Variants in PARVA observed in about 807,000 individuals in gnomAD.
The protein encoded by PARVA is alpha-parvin.
In PARVA, 25 loss-of-function variants were observed where a neutral mutation model predicts 52.6. That is an observed-to-expected ratio of 0.48 (90% CI 0.35 to 0.66). PARVA has a LOEUF of 0.66. PARVA is among the 30% of genes least tolerant of loss of function. The probability of loss-of-function intolerance (pLI) is 0.01; values close to 1 mark genes in which losing one functional copy is unlikely to be tolerated. For missense variants in PARVA, 373 were observed against 450.9 expected (o/e 0.83, Z 1.56); for synonymous variants, 185 against 179.1 (o/e 1.03, Z -0.26).
At chr11:12,526,806 T>C (rs1046788071) in intron 12 of PARVA, among the ~76,000 whole-genome samples, 1 of 151,916 alleles carries the variant, frequency 6.6e-6, no homozygotes, top group South Asian at 2.1e-4. Flanking sequence ...TCTTCAAAGG[T>C]TGGCTTTCTA....
chr11:12,377,653 C>T lies in PARVA; in HGVS notation c.6C>T (p.Ala2=), dbSNP rs1939414504. Reference sequence around the variant, plus strand: ...GCGGCAGCCTGCGCCGCGCCATGGCCACCTCCCCGCAGAAGTCGCCTTCTG... The same window carrying T: ...GCGGCAGCCTGCGCCGCGCCATGGCTACCTCCCCGCAGAAGTCGCCTTCTG... The part of the protein sequence containing the change: M[A]TSPQKSPSVP... The change falls in exon 1 of 13, where the codon GCC becomes GCT. Residue 2 remains alanine (A), a synonymous_variant. Transcript: ENST00000334956. 2.5e-6 allele frequency: 4 copies of T among 1,569,222 alleles called. No homozygotes were observed. Among genetic ancestry groups the T allele is most frequent in the Non-Finnish European group, 3.4e-6 (4 of 1,162,884 alleles).
At chr11:12,465,883 G>A (rs1480716133) in intron 1 of PARVA, among the ~76,000 whole-genome samples, 3 of 152,336 alleles carry the variant, frequency 2.0e-5, no homozygotes, top group African/African-American at 4.8e-5. Context: ...CTAGGAGCTT[G>A]ACTGCTGGAT....
chr11:12,455,035 G>T (rs560067773), intron 1 of PARVA, among the ~76,000 whole-genome samples: 10 of 152,292 alleles, frequency 6.6e-5, no homozygotes, highest in African/African-American at 2.4e-4. Flanking sequence ...ATTTATTAAA[G>T]AAACCTGTAG....
At chr11:12,453,832 TC>T (rs1427694023) in intron 1 of PARVA, among the ~76,000 whole-genome samples, 1 of 152,152 alleles carries the variant, frequency 6.6e-6, no homozygotes, top group African/African-American at 2.4e-5. Context: ...AAAGGGTGGC[TC>T]TAAGCAACCT....
Position 12,433,343 on chromosome 11 carries a change from A to G in PARVA, c.137-40402A>G, listed in dbSNP as rs74681653. On this transcript the variant is annotated intron_variant, in intron 1 of 12. Transcript: ENST00000334956. Reference sequence around the variant, plus strand: ...GTGTAAGCCCAAATAAAAGCAAAGCATGGGCTTCACTGGTTCTTCACTGGT... The same window carrying G: ...GTGTAAGCCCAAATAAAAGCAAAGCGTGGGCTTCACTGGTTCTTCACTGGT... Among the ~76,000 whole-genome samples the G allele has an allele frequency of 6.9e-3, 1,049 of 152,322 alleles. 8 individuals carry two copies. Among genetic ancestry groups the G allele is most frequent in the Middle Eastern group, 0.017 (5 of 294 alleles).
chr11:12,467,518 T>G lies in PARVA; in HGVS notation c.137-6227T>G, dbSNP rs189872497. 1.2e-3 allele frequency among the ~76,000 whole-genome samples: 183 copies of G among 152,262 alleles called. 1 individual carries two copies. The highest frequency in any genetic ancestry group is 1.8e-3 in the Non-Finnish European group (122 of 68,010). ...ATGTTAGGCTGTAGGGTTTAATTTT[T>G]TTGTTGTTGTTGTTGTAGATGTTCT... On this transcript the variant is annotated intron_variant, in intron 1 of 12. Transcript: ENST00000334956.
rs1241543865 is a variant in PARVA, at chr11:12,532,314, C to T, written c.*4389C>T. The stretch of plus-strand genomic sequence containing the variant: ...GGAAACATGAGGTGAAGAAAGTTAG[C>T]TTACTGACGCTTTTTGTTTTCTAGT... On this transcript the variant is annotated 3_prime_UTR_variant, in exon 13 of 13. Transcript: ENST00000334956. Among the ~76,000 whole-genome samples the T allele has an allele frequency of 6.6e-6, 1 of 152,174 alleles. No homozygotes were observed. Among genetic ancestry groups the T allele is most frequent in the Non-Finnish European group, 1.5e-5 (1 of 68,020 alleles).
At chr11:12,433,759 T>C (rs763028822) in intron 1 of PARVA, among the ~76,000 whole-genome samples, 14 of 152,230 alleles carry the variant, frequency 9.2e-5, no homozygotes, top group Admixed American at 6.5e-4. Flanking sequence ...GGGTTTGGCA[T>C]CTTTCTTACC....
At chr11:12,403,547 A>G (rs956769349) in intron 1 of PARVA, among the ~76,000 whole-genome samples, 1 of 152,258 alleles carries the variant, frequency 6.6e-6, no homozygotes, top group African/African-American at 2.4e-5. Flanking sequence ...CTCAATGTTT[A>G]GTTATGAGGA....
chr11:12,469,779 G>T (rs1232189164), intron 1 of PARVA, among the ~76,000 whole-genome samples: 1 of 152,158 alleles, frequency 6.6e-6, no homozygotes, highest in Non-Finnish European at 1.5e-5. Flanking sequence ...TTTCTTCTTG[G>T]ATTTGTTATG....
chr11:12,421,456 A>G (rs1341452063), intron 1 of PARVA, among the ~76,000 whole-genome samples: 18 of 151,898 alleles, frequency 1.2e-4, no homozygotes, highest in Admixed American at 1.2e-3. Context: ...CCAGCAACAG[A>G]TTTTTTTTCT....
chr11:12,450,454 GC>G (rs1251855545), intron 1 of PARVA, among the ~76,000 whole-genome samples: 1 of 152,212 alleles, frequency 6.6e-6, no homozygotes, highest in Non-Finnish European at 1.5e-5. Context: ...CTCTGGGTCT[GC>G]CAATACTACA....
chr11:12,487,776 A>C (rs1302696025), intron 4 of PARVA, among the ~76,000 whole-genome samples: 1 of 152,242 alleles, frequency 6.6e-6, no homozygotes, highest in African/African-American at 2.4e-5. Context: ...AAAATGTCTT[A>C]CTACATAGAA....
At chr11:12,496,641 T>G (rs549634884) in intron 5 of PARVA, 43 bp downstream of exon 5, 1 of 1,585,678 alleles carries the variant, frequency 6.3e-7, no homozygotes, top group African/African-American at 1.3e-5. Flanking sequence ...ACAATGCCTG[T>G]GGTCCCTGCC....
At chr11:12,380,718 A>G (rs558088975) in intron 1 of PARVA, among the ~76,000 whole-genome samples, 2 of 141,086 alleles carry the variant, frequency 1.4e-5, no homozygotes, top group Non-Finnish European at 3.1e-5. Flanking sequence ...GTTGTAGTGC[A>G]AGCCAGCCAC....
intron 12 of PARVA, among the ~76,000 whole-genome samples, chr11:12,521,315 G>A (rs1435017073): frequency 6.6e-6 from 1 of 152,206 alleles, no homozygotes; most frequent in Non-Finnish European, 1.5e-5. Context: ...CATTCCCCTA[G>A]GAGATAGTGT....
In PARVA at chr11:12,519,243, C is replaced by T. The variant is rs141067622; in HGVS notation, c.1042+726C>T. ...GAATGCCATCTGTGGCCCTTTTGCT[C>T]GCACTTTTCTGGTAGTTTATAGGCA... On this transcript the variant is annotated intron_variant, in intron 12 of 12. Coordinates refer to ENST00000334956, the MANE Select transcript of PARVA (RefSeq NM_018222.5). 2.7e-3 allele frequency among the ~76,000 whole-genome samples: 414 copies of T among 152,272 alleles called. 2 individuals are homozygous for T. Among genetic ancestry groups the T allele is most frequent in the Middle Eastern group, 6.8e-3 (2 of 294 alleles).
chr11:12,394,775 C>T (rs61875438), intron 1 of PARVA, among the ~76,000 whole-genome samples: 12,777 of 152,214 alleles, frequency 0.084, 684 homozygotes, highest in African/African-American at 0.14. Flanking sequence ...CTGCAGTCAG[C>T]TCTACGGAAT....
chr11:12,384,147 A>G (rs1036917396), intron 1 of PARVA, among the ~76,000 whole-genome samples: 13 of 151,984 alleles, frequency 8.6e-5, no homozygotes, highest in African/African-American at 2.9e-4. Flanking sequence ...CAGATATGCT[A>G]TTTCTCATAT....
Sources: allele counts gnomAD v4.1 joint callset (sites outside exome capture counted in the v4.1 genomes callset), GRCh38; gene constraint gnomAD v4.1.1; transcripts MANE v1.5; gene names NCBI Gene and HGNC (gene_info 2026-07-23, HGNC 2026-07-21).